SULT1A1: variants seen among roughly 807,000 people sequenced by gnomAD.
SULT1A1 encodes the protein sulfotransferase family 1A member 1.
In SULT1A1, 35 loss-of-function variants were observed where a neutral mutation model predicts 36.8. The observed-to-expected ratio is 0.95, with a 90% CI of 0.73 to 1.26. The LOEUF is 1.26. SULT1A1 is among the 50% of genes most tolerant of loss of function. The probability of loss-of-function intolerance (pLI) is 0.00; values close to 1 mark genes in which losing one functional copy is unlikely to be tolerated. For synonymous variants in SULT1A1, 119 were observed against 146.0 expected (o/e 0.82, Z 1.33); for missense variants, 309 against 383.0 (o/e 0.81, Z 1.61).
At chr16:28,623,101 AC>A (rs752286968) in intron 1 of SULT1A1, 8 of 788,012 alleles carry the variant, frequency 1.0e-5, no homozygotes, top group African/African-American at 3.3e-5. Context: ...TACTGGTCCC[AC>A]CCCCCAGGTT....
At chr16:28,606,298 G>A in intron 6 of SULT1A1, 62 bp from the exon 7 acceptor site, 1 of 1,610,100 alleles carries the variant, frequency 6.2e-7, no homozygotes, top group Non-Finnish European at 8.5e-7. Flanking sequence ...AGTAAAAGGG[G>A]TCCCCTTCTC....
At chr16:28,619,860 A>G (rs1339885318) in intron 2 of SULT1A1, among the ~76,000 whole-genome samples, 3 of 151,768 alleles carry the variant, frequency 2.0e-5, no homozygotes, top group Middle Eastern at 3.2e-3. Flanking sequence ...TGTGTCAATT[A>G]AAACATTTTA....
intron 1 of SULT1A1, chr16:28,620,253 C>T: frequency 1.1e-6 from 1 of 925,874 alleles, no homozygotes; most frequent in Non-Finnish European, 1.6e-6. Context: ...ATCAATATGA[C>T]CCTCTGATCC....
chr16:28,619,847 ATATG>A (rs1486011132), intron 2 of SULT1A1, among the ~76,000 whole-genome samples: 1 of 151,734 alleles, frequency 6.6e-6, no homozygotes, highest in Non-Finnish European at 1.5e-5. Context: ...ATACATACAT[ATATG>A]TGTCAATTAA....
intron 1 of SULT1A1, chr16:28,609,461 G>A: frequency 1.6e-6 from 2 of 1,216,696 alleles, no homozygotes; most frequent in South Asian, 1.3e-5. Flanking sequence ...ACAAAACTCT[G>A]ATGACTCAGC....
intron 1 of SULT1A1, among the ~76,000 whole-genome samples, chr16:28,621,872 T>G (rs866605873): frequency 3.3e-5 from 5 of 152,162 alleles, no homozygotes; most frequent in South Asian, 2.1e-4. Flanking sequence ...CTCCAAAGAT[T>G]ACAAGAATTT....
At chr16:28,608,079 C>T (rs2047287557) in intron 4 of SULT1A1, 12 of 680,808 alleles carry the variant, frequency 1.8e-5, no homozygotes, top group Middle Eastern at 8.0e-4. Context: ...CCTCCTTCTC[C>T]CGGGTTCAAG....
chr16:28,618,201 C>A (rs918101774), intron 2 of SULT1A1, among the ~76,000 whole-genome samples: 30 of 151,874 alleles, frequency 2.0e-4, no homozygotes, highest in Admixed American at 2.0e-3. Flanking sequence ...CTATGCCCAG[C>A]TAATTTATTT....
rs1472147943 is a variant in SULT1A1, at chr16:28,608,341, G to T, written c.322C>A (p.His108Asn). 6.2e-7 allele frequency: 1 copy of T among 1,612,384 alleles called. No homozygotes were observed. Among genetic ancestry groups the T allele is most frequent in the Admixed American group, 1.7e-5 (1 of 59,900 alleles). ...TGGGGGAGCAGAGCCAGGGGCAGGT[G>T]TGTCTTCAGGAGTCGTGGGGCCGGT... ...DTPAPRLLKT[H>N]LPLALLPQTL... Residue 108 changes from histidine (H) to asparagine (N), a missense_variant, in exon 4 of 8, where the codon CAC becomes AAC. By Grantham distance (68) the His-to-Asn change is moderately conservative. Coordinates refer to ENST00000314752, the MANE Select transcript of SULT1A1 (RefSeq NM_001055.4).
chr16:28,609,307 C>A, intron 1 of SULT1A1: 1 of 1,278,522 alleles, frequency 7.8e-7, no homozygotes. Flanking sequence ...CCTTGAGCCC[C>A]TCAGCCCCTC....
Position 28,618,385 on chromosome 16 carries a change from G to A in SULT1A1, c.138+1678C>T, listed in dbSNP as rs148002734. Among the ~76,000 whole-genome samples the A allele has an allele frequency of 2.4e-3, 283 of 117,406 alleles. 1 individual carries two copies. Among genetic ancestry groups the A allele is most frequent in the African/African-American group, 8.5e-3 (259 of 30,536 alleles). 77.0% of individuals were successfully genotyped at this position (117,406 alleles called of 152,430 possible). A position where few individuals can be genotyped will look rare whatever the true frequency, so the allele number is the denominator to read the frequency against. On this transcript the variant is annotated intron_variant, in intron 2 of 5. Coordinates refer to the SULT1A1 transcript ENST00000350842. ...TTTTGAGACAGAGTCTCGCTCTGTC[G>A]CCCAGGCTGGAGTGCAGTGGCGTGA...
Position 28,609,955 on chromosome 16 carries a change from G to C in SULT1A1, c.-29C>G, listed in dbSNP as rs1484098607. 11 of 1,288,040 alleles carry C rather than the reference G, an allele frequency of 8.5e-6. 1 individual carries two copies. The East Asian group carries it at 1.7e-4, about 19-fold the overall frequency. 79.8% of individuals were successfully genotyped at this position (1,288,040 alleles called of 1,614,324 possible). On this transcript the variant is annotated 5_prime_UTR_variant, in exon 1 of 8. Coordinates refer to ENST00000314752, the MANE Select transcript of SULT1A1 (RefSeq NM_001055.4). Reference sequence around the variant, plus strand: ...CCTGAGCTCTTGGGAACCTGGCCTCGTGCCCTCCTCGCCCGCAGTGGCTGA... The same window carrying C: ...CCTGAGCTCTTGGGAACCTGGCCTCCTGCCCTCCTCGCCCGCAGTGGCTGA...
At chr16:28,611,305 A>C (rs2047444732), upstream of SULT1A1, 2 of 152,140 alleles carry the variant, frequency 1.3e-5, no homozygotes, top group South Asian at 2.1e-4. Flanking sequence ...TGCATGCGCT[A>C]AGGGCCAATA....
chr16:28,610,228 C>G (rs1478955156), upstream of SULT1A1: 24 of 1,228,464 alleles, frequency 2.0e-5, no homozygotes, highest in African/African-American at 3.8e-4. Context: ...GGGAAAGGCC[C>G]AATGGTGGGT....
At chr16:28,617,953 T>C (rs2151719658) in intron 2 of SULT1A1, among the ~76,000 whole-genome samples, 1 of 152,188 alleles carries the variant, frequency 6.6e-6, no homozygotes, top group East Asian at 1.9e-4. Flanking sequence ...ACCACTGTTT[T>C]TTAAAACAGT....
chr16:28,618,985 A>T (rs1356667236), intron 2 of SULT1A1, among the ~76,000 whole-genome samples: 1 of 152,210 alleles, frequency 6.6e-6, no homozygotes, highest in Non-Finnish European at 1.5e-5. Context: ...AATCATTGAG[A>T]ACATGGACTA....
intron 2 of SULT1A1, among the ~76,000 whole-genome samples, chr16:28,615,823 G>T (rs1184853145): frequency 6.6e-6 from 1 of 152,252 alleles, no homozygotes; most frequent in Non-Finnish European, 1.5e-5. Context: ...GCCCTTCCCT[G>T]CCTGGCAGCC....
chr16:28,610,311 T>G, upstream of SULT1A1: 2 of 938,754 alleles, frequency 2.1e-6, no homozygotes, highest in Non-Finnish European at 2.8e-6. Flanking sequence ...ACTGGGCTCC[T>G]GACCTGCCCC....
At chr16:28,619,763 T>TATCCATATAC (rs1555485368) in intron 2 of SULT1A1, among the ~76,000 whole-genome samples, 3 of 148,826 alleles carry the variant, frequency 2.0e-5, no homozygotes, top group Non-Finnish European at 4.5e-5. Context: ...TATATATATA[T>TATCCATATAC]AGACACACAC....
Sources: gnomAD v4.1 joint callset for allele counts (sites outside exome capture counted in the v4.1 genomes callset) on GRCh38, gnomAD v4.1.1 for gene constraint, MANE v1.5 for transcripts, NCBI Gene and HGNC (gene_info 2026-07-23, HGNC 2026-07-21) for gene names.